NUDCD1: variants seen among roughly 807,000 people sequenced by gnomAD.
The protein encoded by NUDCD1 is nudC domain-containing protein 1.
NUDCD1 carries 60 observed loss-of-function variants against 67.8 expected under a neutral mutation model. That is an observed-to-expected ratio of 0.88 (90% CI 0.72 to 1.10). The LOEUF (loss-of-function observed/expected upper bound fraction) is 1.10, where lower values mean the gene tolerates loss of function less well. NUDCD1 is among the 50% of genes least tolerant of loss of function. The pLI is 0.00. For missense variants in NUDCD1, 643 were observed against 695.0 expected (o/e 0.93, Z 0.84); for synonymous variants, 244 against 230.8 (o/e 1.06, Z -0.52).
At chr8:109,270,641 A>G (rs1320539820) in intron 8 of NUDCD1, among the ~76,000 whole-genome samples, 1 of 152,180 alleles carries the variant, frequency 6.6e-6, no homozygotes, top group Non-Finnish European at 1.5e-5. Flanking sequence ...TGCAGACATG[A>G]CCAACATCAT....
Position 109,323,916 on chromosome 8 carries a change from T to C in NUDCD1, c.119-1453A>G, listed in dbSNP as rs372424161. Among the ~76,000 whole-genome samples the C allele has an allele frequency of 2.7e-4, 41 of 152,104 alleles. No individual in the cohort carries two copies. The East Asian group carries it at 5.0e-3, about 19-fold the overall frequency. ...AATTAGACTCCTATCTCTCATCATA[T>C]GCAAAAATCAACTCAAAAACTATAA... On this transcript the variant is annotated intron_variant, in intron 1 of 9. Coordinates refer to ENST00000239690, the MANE Select transcript of NUDCD1 (RefSeq NM_032869.4).
At chr8:109,243,505 T>C (rs1263087122) in intron 9 of NUDCD1, among the ~76,000 whole-genome samples, 2 of 152,180 alleles carry the variant, frequency 1.3e-5, no homozygotes, top group Admixed American at 6.6e-5. Flanking sequence ...ACGACTTTAA[T>C]TCCTAAGGAA....
At chr8:109,288,200 G>A (rs996051613) in intron 5 of NUDCD1, among the ~76,000 whole-genome samples, 1 of 152,156 alleles carries the variant, frequency 6.6e-6, no homozygotes, top group African/African-American at 2.4e-5. Flanking sequence ...GATACAGCAT[G>A]AGATGTCATC....
At chr8:109,285,205 T>C (rs78894913) in intron 5 of NUDCD1, among the ~76,000 whole-genome samples, 3,154 of 152,208 alleles carry the variant, frequency 0.021, 110 homozygotes, top group African/African-American at 0.072. Context: ...CCTGGACAGA[T>C]GGATTCACAT....
At chr8:109,330,900 G>C (rs1337389984) in intron 1 of NUDCD1, among the ~76,000 whole-genome samples, 3 of 152,162 alleles carry the variant, frequency 2.0e-5, no homozygotes, top group Admixed American at 6.5e-5. Flanking sequence ...AATGGGGTAG[G>C]GGGAGGGAGA....
At position 109,245,395 on chromosome 8, in the gene NUDCD1, A is replaced by T; in HGVS notation, c.1386T>A (p.Asp462Glu). 1 of 1,613,938 alleles carries T rather than the reference A, an allele frequency of 6.2e-7. No homozygotes were observed. Among genetic ancestry groups the T allele is most frequent in the South Asian group, 1.1e-5 (1 of 91,064 alleles). Reference sequence around the variant, plus strand: ...TGGAGTGTGGTTGCCAGAGTAGGGCATCAACATCATGGCGCAAACAGAAGC... The same window carrying T: ...TGGAGTGTGGTTGCCAGAGTAGGGCTTCAACATCATGGCGCAAACAGAAGC... ...MPCFCLRHDVDALLWQPHSSK... is the reference protein window; with the variant it reads ...MPCFCLRHDVEALLWQPHSSK... The change falls in exon 9 of 10, where the codon GAT (aspartate) becomes GAA (glutamate). Residue 462 changes from aspartate to glutamate, a missense_variant. Asp to Glu is a conservative substitution (Grantham distance 45, BLOSUM62 2). Transcript: ENST00000239690.
chr8:109,257,930 T>G (rs1459908134), intron 8 of NUDCD1, among the ~76,000 whole-genome samples: 1 of 152,142 alleles, frequency 6.6e-6, no homozygotes, highest in East Asian at 1.9e-4. Flanking sequence ...GTCAAACACA[T>G]GTATTACAAA....
At chr8:109,279,820 C>T (rs1030520210) in intron 6 of NUDCD1, among the ~76,000 whole-genome samples, 1 of 151,852 alleles carries the variant, frequency 6.6e-6, no homozygotes, top group South Asian at 2.1e-4. Flanking sequence ...TTAGTTGAGA[C>T]GGGGTTTCAC....
chr8:109,318,546 T>C (rs868474770), intron 2 of NUDCD1, among the ~76,000 whole-genome samples: 10 of 152,304 alleles, frequency 6.6e-5, no homozygotes, highest in South Asian at 2.1e-4. Flanking sequence ...TGGGCCTAGA[T>C]AGTAATCCTT....
At chr8:109,298,029 T>C (rs928073460) in intron 2 of NUDCD1, among the ~76,000 whole-genome samples, 6 of 152,182 alleles carry the variant, frequency 3.9e-5, no homozygotes, top group Non-Finnish European at 8.8e-5. Flanking sequence ...CATTTTTTCT[T>C]TCTAAAGCAC....
At chr8:109,286,299 C>T (rs1814573061) in intron 5 of NUDCD1, among the ~76,000 whole-genome samples, 1 of 151,992 alleles carries the variant, frequency 6.6e-6, no homozygotes, top group South Asian at 2.1e-4. Flanking sequence ...AACTAGAAAA[C>T]ACTATTCTAA....
intron 1 of NUDCD1, chr8:109,329,921 G>A: frequency 6.5e-7 from 1 of 1,530,052 alleles, no homozygotes; most frequent in Admixed American, 2.1e-5. Flanking sequence ...GTATGATAAA[G>A]TCTATGAAGT....
intron 8 of NUDCD1, among the ~76,000 whole-genome samples, chr8:109,249,539 C>A (rs1189263758): frequency 6.6e-6 from 1 of 152,114 alleles, no homozygotes; most frequent in South Asian, 2.1e-4. Flanking sequence ...ATTCATTGTT[C>A]TACTTGTCAT....
intron 1 of NUDCD1, chr8:109,330,000 C>T (rs148589571): frequency 0.028 from 28,587 of 1,024,880 alleles, 495 homozygotes; most frequent in Middle Eastern, 0.11. Context: ...GAAAGGAATC[C>T]CTGAGGAAGT....
intron 8 of NUDCD1, among the ~76,000 whole-genome samples, chr8:109,250,075 A>T (rs1323092012): frequency 1.3e-5 from 2 of 151,700 alleles, no homozygotes; most frequent in Admixed American, 1.3e-4. Flanking sequence ...CTTGAACTCA[A>T]CTCAAGCAAT....
chr8:109,293,365 T>G lies in NUDCD1; in HGVS notation c.619A>C (p.Thr207Pro), dbSNP rs775465467. The G allele has an allele frequency of 1.3e-6, 2 of 1,567,810 alleles. No individual in the cohort carries two copies. The highest frequency in any genetic ancestry group is 1.7e-6 in the Non-Finnish European group (2 of 1,159,574). Residue 207 changes from threonine (T) to proline (P), a missense_variant, in exon 4 of 10, where the codon ACT becomes CCT. Thr to Pro is a conservative substitution (Grantham distance 38, BLOSUM62 -1). Coordinates refer to ENST00000239690, the MANE Select transcript of NUDCD1 (RefSeq NM_032869.4). ...TTACCTTGATTTTTCTTACTGATAG[T>G]GACCCACTCCAGAGAAACATAGAAA... ...SGFYVSLEWV[T>P]ISKKNQDNKK...
intron 8 of NUDCD1, among the ~76,000 whole-genome samples, chr8:109,246,527 G>A (rs1305240100): frequency 1.3e-5 from 2 of 152,158 alleles, no homozygotes; most frequent in Admixed American, 1.3e-4. Flanking sequence ...GTCAACATTT[G>A]TTATTGTAAC....
At chr8:109,297,360 T>C (rs1037059712) in intron 2 of NUDCD1, among the ~76,000 whole-genome samples, 1 of 152,202 alleles carries the variant, frequency 6.6e-6, no homozygotes, top group Non-Finnish European at 1.5e-5. Context: ...AAGTTATGAG[T>C]TGCTGCTAGG....
intron 8 of NUDCD1, among the ~76,000 whole-genome samples, chr8:109,270,042 G>T (rs2926193): frequency 2.7e-4 from 30 of 112,022 alleles, no homozygotes; most frequent in Middle Eastern, 5.1e-3. Context: ...CTTGTAAAAA[G>T]AGTGTAATTT....
Sources: allele counts gnomAD v4.1 joint callset (sites outside exome capture counted in the v4.1 genomes callset), GRCh38; gene constraint gnomAD v4.1.1; transcripts MANE v1.5; gene names NCBI Gene and HGNC (gene_info 2026-07-23, HGNC 2026-07-21).